Variants in DLGAP2 observed in about 807,000 individuals in gnomAD.
DLGAP2 encodes the protein disks large-associated protein 2.
A neutral mutation model predicts 100.3 loss-of-function variants in DLGAP2; 26 were observed. The observed-to-expected ratio is 0.26, with a 90% CI of 0.19 to 0.36. The LOEUF (loss-of-function observed/expected upper bound fraction) is 0.36. Among genes scored for constraint, DLGAP2 ranks in the 10% least tolerant of loss-of-function variants. The probability of loss-of-function intolerance (pLI) is 1.00; values close to 1 mark genes in which losing one functional copy is unlikely to be tolerated. For missense variants in DLGAP2, 1,858 were observed against 1,453.2 expected (o/e 1.28, Z -4.53); for synonymous variants, 886 against 630.1 (o/e 1.41, Z -6.08).
intron 11 of DLGAP2, 94 bp from the exon 12 acceptor site, chr8:1,678,120 C>A: frequency 7.0e-7 from 1 of 1,429,882 alleles, no homozygotes; most frequent in Non-Finnish European, 9.4e-7. Context: ...GGCTGTTGAG[C>A]TCAGGTGCGC....
chr8:942,069 C>G (rs148210985), intron 2 of DLGAP2, among the ~76,000 whole-genome samples: 1 of 152,148 alleles, frequency 6.6e-6, no homozygotes, highest in Non-Finnish European at 1.5e-5. Context: ...AGTGATTCTC[C>G]TCCTCTGGCC....
At chr8:1,669,146 C>G (rs1798623854) in intron 9 of DLGAP2, among the ~76,000 whole-genome samples, 1 of 152,200 alleles carries the variant, frequency 6.6e-6, no homozygotes, top group Non-Finnish European at 1.5e-5. Context: ...GGCATGCTCT[C>G]CTCTCTACAG....
intron 2 of DLGAP2, among the ~76,000 whole-genome samples, chr8:1,126,087 A>T (rs1022718586): frequency 2.0e-5 from 3 of 152,212 alleles, no homozygotes; most frequent in Non-Finnish European, 2.9e-5. Context: ...CGGGAAATCA[A>T]TGACTAAAAT....
At chr8:1,387,612 C>T (rs77685511) in intron 3 of DLGAP2, among the ~76,000 whole-genome samples, 1,540 of 152,278 alleles carry the variant, frequency 0.01, 31 homozygotes, top group African/African-American at 0.035. Flanking sequence ...GTATGTTCTA[C>T]CCCACAGAAA....
intron 2 of DLGAP2, among the ~76,000 whole-genome samples, chr8:946,887 A>G (rs1314384770): frequency 1.3e-5 from 2 of 152,192 alleles, no homozygotes; most frequent in Non-Finnish European, 2.9e-5. Context: ...TTCGTAGCAC[A>G]GTCTGTGCAT....
intron 3 of DLGAP2, among the ~76,000 whole-genome samples, chr8:1,364,390 C>T (rs905213426): frequency 1.3e-5 from 2 of 152,032 alleles, no homozygotes; most frequent in Non-Finnish European, 2.9e-5. Flanking sequence ...GAGGAGTGGT[C>T]TCCTGCTGTG....
At chr8:1,235,222 A>G (rs73670683) in intron 2 of DLGAP2, among the ~76,000 whole-genome samples, 11,974 of 113,286 alleles carry the variant, frequency 0.11, 1,223 homozygotes, top group African/African-American at 0.28. Flanking sequence ...GTTCTCTCAC[A>G]CATGGCATGT....
At chr8:1,541,445 C>T (rs1220151558) in intron 4 of DLGAP2, among the ~76,000 whole-genome samples, 1 of 152,172 alleles carries the variant, frequency 6.6e-6, no homozygotes, top group Admixed American at 6.5e-5. Flanking sequence ...AGCTGCACCC[C>T]AGAGGTATGG....
intron 2 of DLGAP2, among the ~76,000 whole-genome samples, chr8:1,190,562 C>G (rs1233985351): frequency 2.0e-5 from 3 of 152,200 alleles, no homozygotes; most frequent in Admixed American, 6.5e-5. Context: ...CTTCTCATCT[C>G]ACAGGGCACT....
chr8:804,457 T>C (rs1292543462), intron 1 of DLGAP2, among the ~76,000 whole-genome samples: 1 of 152,150 alleles, frequency 6.6e-6, no homozygotes, highest in East Asian at 1.9e-4. Flanking sequence ...TTCGAGGAGA[T>C]CTTGGGTGAC....
chr8:1,698,656 T>C (rs1393074996), intron 14 of DLGAP2, among the ~76,000 whole-genome samples: 8 of 150,342 alleles, frequency 5.3e-5, no homozygotes, highest in Admixed American at 6.6e-5. Context: ...AAGTAAGCCA[T>C]GCGTGGGACA....
At chr8:1,516,542 C>CATGA (rs1438253148) in intron 4 of DLGAP2, among the ~76,000 whole-genome samples, 2 of 139,426 alleles carry the variant, frequency 1.4e-5, no homozygotes, top group African/African-American at 5.4e-5. Context: ...TGAGTGAGTG[C>CATGA]ATGAATGAGT....
chr8:871,277 C>G (rs990080733), intron 1 of DLGAP2, among the ~76,000 whole-genome samples: 5 of 152,206 alleles, frequency 3.3e-5, no homozygotes, highest in African/African-American at 1.2e-4. Flanking sequence ...AATTAATTGG[C>G]TGCACTATCT....
At chr8:1,411,775 A>C (rs1796738061) in intron 3 of DLGAP2, among the ~76,000 whole-genome samples, 1 of 152,172 alleles carries the variant, frequency 6.6e-6, no homozygotes, top group African/African-American at 2.4e-5. Flanking sequence ...CCAGAACTTG[A>C]ATTTATGGAA....
intron 2 of DLGAP2, among the ~76,000 whole-genome samples, chr8:1,091,734 C>T (rs1479330311): frequency 6.6e-6 from 1 of 152,124 alleles, no homozygotes; most frequent in Non-Finnish European, 1.5e-5. Context: ...TTGCGTGTCT[C>T]CCGTGGAAGC....
rs535266973 is a variant in DLGAP2 at position 1,708,433 on chromosome 8, A to C, written c.*7027A>C. 6.6e-6 allele frequency: 1 copy of C among 152,372 alleles called. No individual in the cohort carries two copies. The highest frequency in any genetic ancestry group is 2.4e-5 in the African/African-American group (1 of 41,584). The allele number at this position is 152,372 out of a possible 1,614,324, so 9.4% of individuals were successfully genotyped here. On this transcript the variant is annotated 3_prime_UTR_variant, in exon 15 of 15. Coordinates refer to ENST00000637795, the MANE Select transcript of DLGAP2 (RefSeq NM_001346810.2). The stretch of plus-strand genomic sequence containing the variant: ...TTAATATGTATGCAAAATGGTATAG[A>C]TTAAATGAGTTTTTAATTAATAAAT...
chr8:1,101,065 C>T (rs1383566760), intron 2 of DLGAP2, among the ~76,000 whole-genome samples: 6 of 152,208 alleles, frequency 3.9e-5, no homozygotes, highest in Admixed American at 2.0e-4. Context: ...CACAAGCCCA[C>T]GTCTACTCCT....
chr8:770,325 C>T (rs1476715410), intron 1 of DLGAP2, among the ~76,000 whole-genome samples: 1 of 152,090 alleles, frequency 6.6e-6, no homozygotes, highest in Non-Finnish European at 1.5e-5. Context: ...CCTCCGTGTC[C>T]TCCGCCTCCC....
chr8:1,621,540 C>T (rs1797337487), intron 6 of DLGAP2: 1 of 152,408 alleles, frequency 6.6e-6, no homozygotes, highest in South Asian at 2.1e-4. Flanking sequence ...GTGGGTCAGC[C>T]ATTGCAGCCC....
Sources: gnomAD v4.1 joint callset for allele counts (sites outside exome capture counted in the v4.1 genomes callset) on GRCh38, gnomAD v4.1.1 for gene constraint, MANE v1.5 for transcripts, NCBI Gene and HGNC (gene_info 2026-07-23, HGNC 2026-07-21) for gene names.